The following EBF2 variants were observed in gnomAD, a reference collection of about 807,000 sequenced individuals.
The protein encoded by EBF2 is EBF transcription factor 2.
In EBF2, 21 loss-of-function variants were observed where a neutral mutation model predicts 72.8. That is an observed-to-expected ratio of 0.29 (90% CI 0.20 to 0.42). EBF2 has a LOEUF of 0.42. Among genes scored for constraint, EBF2 ranks in the 10% least tolerant of loss-of-function variants. EBF2 has a pLI of 1.00. For synonymous variants in EBF2, 299 were observed against 274.2 expected (o/e 1.09, Z -0.89); for missense variants, 637 against 731.2 (o/e 0.87, Z 1.49).
At chr8:25,956,574 G>T (rs935055151) in intron 6 of EBF2, among the ~76,000 whole-genome samples, 7 of 151,694 alleles carry the variant, frequency 4.6e-5, no homozygotes, top group African/African-American at 1.5e-4. Context: ...CTCATCCCTC[G>T]CCCTCTCCCA....
At chr8:25,844,771 A>G (rs1193894857) in intron 15 of EBF2, 131 bp from the exon 16 acceptor site, 4 of 1,154,454 alleles carry the variant, frequency 3.5e-6, no homozygotes, top group Non-Finnish European at 5.1e-6. Context: ...CCCTCAGCTG[A>G]TATGAGGACC....
chr8:26,034,559 G>A (rs1327481299), intron 5 of EBF2, among the ~76,000 whole-genome samples: 1 of 152,172 alleles, frequency 6.6e-6, no homozygotes, highest in Non-Finnish European at 1.5e-5. Context: ...AATGTGAGAA[G>A]GGCAAAGGAA....
intron 7 of EBF2, among the ~76,000 whole-genome samples, chr8:25,904,379 ATTTTGG>A (rs370625877): frequency 0.012 from 1,890 of 151,620 alleles, 18 homozygotes; most frequent in Non-Finnish European, 0.019. Flanking sequence ...TGATGTAACA[ATTTTGG>A]TCTGATTGGA....
chr8:25,987,439 C>T (rs779674101), intron 6 of EBF2, among the ~76,000 whole-genome samples: 1 of 152,096 alleles, frequency 6.6e-6, no homozygotes, highest in Non-Finnish European at 1.5e-5. Flanking sequence ...GAGTCCTTCT[C>T]TTCATCACTC....
intron 6 of EBF2, among the ~76,000 whole-genome samples, chr8:25,982,759 T>G (rs1804383260): frequency 1.3e-5 from 2 of 152,032 alleles, no homozygotes; most frequent in Admixed American, 1.3e-4. Context: ...TTCAGGGTGA[T>G]TTAAATTATT....
At chr8:25,982,940 A>G (rs1293729279) in intron 6 of EBF2, among the ~76,000 whole-genome samples, 3 of 151,476 alleles carry the variant, frequency 2.0e-5, no homozygotes, top group Non-Finnish European at 2.9e-5. Context: ...ATAAATTTCT[A>G]TGTATAAGGC....
At position 26,044,012 on chromosome 8, in the gene EBF2, G is replaced by A; in HGVS notation, c.131+717C>T. 6.6e-6 allele frequency among the ~76,000 whole-genome samples: 1 copy of A among 152,206 alleles called. No homozygotes were observed. On this transcript the variant is annotated intron_variant, in intron 1 of 15. Coordinates refer to ENST00000520164, the MANE Select transcript of EBF2 (RefSeq NM_022659.4). This position sits in a 1 kb window ranked among gnomAD's most constrained non-coding sequence, Gnocchi z 4.1. ...GATCCCTGAGCCAGTCTAGCTGCTG[G>A]TGGCCTTTTCTCGCCTCTTTCTTCT...
At chr8:25,999,514 T>A (rs2117218325) in intron 6 of EBF2, among the ~76,000 whole-genome samples, 1 of 152,220 alleles carries the variant, frequency 6.6e-6, no homozygotes, top group East Asian at 1.9e-4. Flanking sequence ...TCATTTTCCA[T>A]TCCTTTTCTT....
chr8:26,045,113 C>T lies in EBF2; in HGVS notation c.-254G>A, dbSNP rs1805682073. The T allele has an allele frequency of 2.8e-6, 1 of 353,252 alleles. No homozygotes were observed. The highest frequency in any genetic ancestry group is 3.9e-5 in the Admixed American group (1 of 25,696). The allele number at this position is 353,252 out of a possible 1,614,324, so 21.9% of individuals were successfully genotyped here. On this transcript the variant is annotated 5_prime_UTR_variant, in exon 1 of 16. An upstream open reading frame in the 5' UTR loses its in-frame stop. Coordinates refer to ENST00000520164, the MANE Select transcript of EBF2 (RefSeq NM_022659.4). Reference sequence around the variant, plus strand: ...GATCTGCCGCCTCAGCCACTCCACCCTAGGTCGCTCGCATCCTTCCAGCTG... The same window carrying T: ...GATCTGCCGCCTCAGCCACTCCACCTTAGGTCGCTCGCATCCTTCCAGCTG...
At chr8:25,952,988 T>C (rs1803889081) in intron 6 of EBF2, among the ~76,000 whole-genome samples, 1 of 152,180 alleles carries the variant, frequency 6.6e-6, no homozygotes, top group African/African-American at 2.4e-5. Flanking sequence ...TTCAGGATGT[T>C]AGAACAGAAA....
chr8:26,032,863 C>G (rs1805432262), intron 6 of EBF2: 2 of 554,084 alleles, frequency 3.6e-6, no homozygotes, highest in Non-Finnish European at 3.2e-6. Context: ...GCTGGTGCAC[C>G]TGGAAAAGAC....
intron 10 of EBF2, among the ~76,000 whole-genome samples, chr8:25,878,721 T>C (rs1302483620): frequency 6.6e-6 from 1 of 152,166 alleles, no homozygotes; most frequent in Non-Finnish European, 1.5e-5. Context: ...ATGCTATCCT[T>C]GATAGCATTT....
intron 14 of EBF2, 186 bp downstream of exon 14, chr8:25,858,133 A>G (rs1238350003): frequency 1.3e-6 from 1 of 771,340 alleles, no homozygotes; most frequent in Admixed American, 2.0e-5. Flanking sequence ...GGCCTTGAGT[A>G]ACCACGTGAG....
rs371179912 is a variant in EBF2, at chr8:25,963,367, T to C, written c.552-54812A>G. The stretch of plus-strand genomic sequence containing the variant: ...GCCCTCTTCTTTAATCCCTAAAGAA[T>C]GGCCATGGCATTTTTAACATAAAGG... On this transcript the variant is annotated intron_variant, in intron 6 of 15. Transcript: ENST00000520164. 1.1e-4 allele frequency among the ~76,000 whole-genome samples: 16 copies of C among 152,314 alleles called. No homozygotes were observed. The East Asian group carries it at 3.1e-3, about 29-fold the overall frequency.
chr8:25,858,435 T>G lies in EBF2; in HGVS notation c.1412A>C (p.Asn471Thr). 6.2e-7 allele frequency: 1 copy of G among 1,614,104 alleles called. No homozygotes were observed. The change falls in exon 14 of 16, where the codon AAT (asparagine) becomes ACT (threonine). Residue 471 changes from asparagine to threonine, a missense_variant. Transcript: ENST00000520164. ...YSSSSTPQQS[N>T]YSTSSNSMNG... The stretch of plus-strand genomic sequence containing the variant: ...CATACTGTTGCTGGAGGTACTGTAA[T>G]TAGACTGTTGAGGCGTGGAGCTGGA...
At chr8:26,034,319 T>C (rs1805460638) in intron 5 of EBF2, among the ~76,000 whole-genome samples, 1 of 152,184 alleles carries the variant, frequency 6.6e-6, no homozygotes, top group Non-Finnish European at 1.5e-5. Flanking sequence ...GAAACAGAAA[T>C]GGTATCCCAC....
chr8:25,849,615 C>T lies in EBF2; in HGVS notation c.1696+979G>A, dbSNP rs367979898. On this transcript the variant is annotated intron_variant, in intron 15 of 15. Coordinates refer to ENST00000520164, the MANE Select transcript of EBF2 (RefSeq NM_022659.4). ...AAAAATAATGTGGGTTGCCAGTGAG[C>T]CCCAGTCCTCAGCAGTTTCCAATGT... Among the ~76,000 whole-genome samples the T allele has an allele frequency of 6.7e-5, 10 of 148,884 alleles. No individual in the cohort carries two copies. The East Asian group carries it at 1.4e-3, about 20-fold the overall frequency.
intron 7 of EBF2, among the ~76,000 whole-genome samples, chr8:25,897,197 G>T (rs1585186340): frequency 1.3e-5 from 2 of 151,376 alleles, no homozygotes; most frequent in East Asian, 3.9e-4. Flanking sequence ...TTACTCCTGA[G>T]AAGACGTGCT....
chr8:25,887,918 G>A lies in EBF2; in HGVS notation c.806C>T (p.Ala269Val), dbSNP rs1423484193. ...SPSEGWTTGG[A>V]MVIIIGDNFF... is the part of the protein sequence containing the mutation. ...GTTGTCCCCGATGATGATGACCATG[G>A]CTCCTCCTGTGGTCCAGCCTTCACT... The change falls in exon 9 of 16, where the codon GCC (alanine) becomes GTC (valine). Residue 269 changes from alanine to valine, a missense_variant. Physicochemically the swap from Ala to Val is moderately conservative, Grantham distance 64. Coordinates refer to ENST00000520164, the MANE Select transcript of EBF2 (RefSeq NM_022659.4). 3.1e-6 allele frequency: 5 copies of A among 1,613,614 alleles called. No homozygotes were observed. Among genetic ancestry groups the A allele is most frequent in the Non-Finnish European group, 4.2e-6 (5 of 1,179,816 alleles).
Sources: gnomAD v4.1 joint callset for allele counts (sites outside exome capture counted in the v4.1 genomes callset) on GRCh38, gnomAD v4.1.1 for gene constraint, Gnocchi (gnomAD v3.1) non-coding constraint, MANE v1.5 for transcripts, NCBI Gene and HGNC (gene_info 2026-07-23, HGNC 2026-07-21) for gene names.